The following HS3ST4 variants were observed in gnomAD, a reference collection of about 807,000 sequenced individuals.
HS3ST4 encodes heparan sulfate glucosamine 3-O-sulfotransferase 4.
In HS3ST4, 17 loss-of-function variants were observed where a neutral mutation model predicts 29.2. That is an observed-to-expected ratio of 0.58 (90% CI 0.40 to 0.87). The LOEUF (loss-of-function observed/expected upper bound fraction) is 0.87, where lower values mean the gene tolerates loss of function less well. HS3ST4 is among the 40% of genes least tolerant of loss of function. The probability of loss-of-function intolerance (pLI) is 0.00; values close to 1 mark genes in which losing one functional copy is unlikely to be tolerated. For missense variants in HS3ST4, 627 were observed against 634.5 expected (o/e 0.99, Z 0.13); for synonymous variants, 314 against 285.7 (o/e 1.10, Z -1.00).
At chr16:25,786,787 C>T (rs771307513) in intron 1 of HS3ST4, among the ~76,000 whole-genome samples, 9 of 152,070 alleles carry the variant, frequency 5.9e-5, no homozygotes, top group Non-Finnish European at 1.0e-4. Flanking sequence ...AGATCAAATG[C>T]TTGATTATAC....
chr16:25,828,242 C>CTTTTTCTA (rs1371928058), intron 1 of HS3ST4, among the ~76,000 whole-genome samples: 2,669 of 75,004 alleles, frequency 0.036, 250 homozygotes, highest in Non-Finnish European at 0.047. Context: ...TTCTTTCTTT[C>CTTTTTCTA]TCTTTCTTTC....
At chr16:25,930,706 G>T (rs557876549) in intron 1 of HS3ST4, among the ~76,000 whole-genome samples, 1 of 152,114 alleles carries the variant, frequency 6.6e-6, no homozygotes, top group African/African-American at 2.4e-5. Flanking sequence ...TCCTCAGCCT[G>T]GTCCTCCTTA....
At chr16:25,764,198 T>C (rs1486312177) in intron 1 of HS3ST4, among the ~76,000 whole-genome samples, 1 of 152,134 alleles carries the variant, frequency 6.6e-6, no homozygotes, top group Non-Finnish European at 1.5e-5. Context: ...AGGGAGGTGC[T>C]CACAGGCAGT....
At chr16:25,844,225 C>T (rs1323956712) in intron 1 of HS3ST4, among the ~76,000 whole-genome samples, 1 of 152,196 alleles carries the variant, frequency 6.6e-6, no homozygotes, top group Non-Finnish European at 1.5e-5. Flanking sequence ...GCCTTAGTAT[C>T]TGTCCTCTAA....
At chr16:25,937,247 A>G (rs1968526223) in intron 1 of HS3ST4, among the ~76,000 whole-genome samples, 1 of 152,194 alleles carries the variant, frequency 6.6e-6, no homozygotes, top group Non-Finnish European at 1.5e-5. Flanking sequence ...GAGGGTAAGA[A>G]TGGCACCAAT....
chr16:25,725,940 C>G (rs1966532059), intron 1 of HS3ST4, among the ~76,000 whole-genome samples: 1 of 152,102 alleles, frequency 6.6e-6, no homozygotes, highest in Non-Finnish European at 1.5e-5. Flanking sequence ...TTTTCTTTTA[C>G]TATGCCTTGC....
At chr16:25,994,528 A>G (rs577297799) in intron 1 of HS3ST4, among the ~76,000 whole-genome samples, 10 of 152,110 alleles carry the variant, frequency 6.6e-5, no homozygotes, top group Non-Finnish European at 1.3e-4. Flanking sequence ...AATTTTTGAT[A>G]TTGGTAAATG....
intron 1 of HS3ST4, among the ~76,000 whole-genome samples, chr16:26,029,262 A>G (rs1171026153): frequency 6.6e-6 from 1 of 152,182 alleles, no homozygotes; most frequent in Non-Finnish European, 1.5e-5. Flanking sequence ...TGGGGGCAGG[A>G]CTGGTTTCAT....
At chr16:25,904,707 G>A (rs558498980) in intron 1 of HS3ST4, among the ~76,000 whole-genome samples, 3 of 152,186 alleles carry the variant, frequency 2.0e-5, no homozygotes, top group South Asian at 4.1e-4. Context: ...ACCTAATTCT[G>A]ATTCTGTTTG....
intron 1 of HS3ST4, among the ~76,000 whole-genome samples, chr16:25,851,881 T>C (rs1044645118): frequency 2.1e-5 from 3 of 144,988 alleles, no homozygotes; most frequent in African/African-American, 7.7e-5. Flanking sequence ...CTTTCGAAGT[T>C]ATTAATGGAT....
intron 1 of HS3ST4, among the ~76,000 whole-genome samples, chr16:25,934,902 G>C (rs1241440240): frequency 6.6e-6 from 1 of 152,084 alleles, no homozygotes; most frequent in Non-Finnish European, 1.5e-5. Flanking sequence ...CATATGGTTT[G>C]GCTGTGTCCC....
intron 1 of HS3ST4, among the ~76,000 whole-genome samples, chr16:25,880,000 C>G (rs747717275): frequency 1.3e-5 from 2 of 152,148 alleles, no homozygotes; most frequent in Non-Finnish European, 2.9e-5. Flanking sequence ...ATTCAATTAT[C>G]TCCACCTGGC....
intron 1 of HS3ST4, among the ~76,000 whole-genome samples, chr16:25,996,281 G>A (rs1567290086): frequency 6.6e-6 from 1 of 152,138 alleles, no homozygotes; most frequent in Non-Finnish European, 1.5e-5. Flanking sequence ...CTCCACCAGA[G>A]GGCCAGGGTA....
chr16:25,816,908 C>T (rs9934531), intron 1 of HS3ST4, among the ~76,000 whole-genome samples: 33,534 of 151,888 alleles, frequency 0.22, 3,987 homozygotes, highest in Non-Finnish European at 0.25. Flanking sequence ...ATCCCACTCC[C>T]GAGATAACCC....
At chr16:25,788,544 C>CTT (rs565611368) in intron 1 of HS3ST4, among the ~76,000 whole-genome samples, 10,022 of 123,412 alleles carry the variant, frequency 0.081, 847 homozygotes, top group Non-Finnish European at 0.093. Flanking sequence ...TTTCTTCTTT[C>CTT]TTTTTTTTTT....
chr16:25,890,286 C>T (rs1349815881), intron 1 of HS3ST4, among the ~76,000 whole-genome samples: 2 of 152,188 alleles, frequency 1.3e-5, no homozygotes, highest in Non-Finnish European at 2.9e-5. Flanking sequence ...CTCTTAGCCA[C>T]CACTATGTAT....
chr16:25,878,211 T>G (rs908397000), intron 1 of HS3ST4, among the ~76,000 whole-genome samples: 1 of 152,180 alleles, frequency 6.6e-6, no homozygotes, highest in Non-Finnish European at 1.5e-5. Flanking sequence ...AATGAGATGA[T>G]GTATGCTACC....
At chr16:26,093,884 G>A (rs1177258882) in intron 1 of HS3ST4, among the ~76,000 whole-genome samples, 3 of 152,146 alleles carry the variant, frequency 2.0e-5, no homozygotes, top group African/African-American at 7.2e-5. Flanking sequence ...TAGATGAATG[G>A]CTAACTAGAA....
At chr16:26,062,817 C>A (rs185621408) in intron 1 of HS3ST4, 9 of 287,212 alleles carry the variant, frequency 3.1e-5, no homozygotes, top group Non-Finnish European at 5.5e-5. Context: ...CCTAGCACCA[C>A]TTTGGTGCCT....
Sources: allele counts gnomAD v4.1 joint callset (sites outside exome capture counted in the v4.1 genomes callset), GRCh38; gene constraint gnomAD v4.1.1; transcripts MANE v1.5; gene names NCBI Gene and HGNC (gene_info 2026-07-23, HGNC 2026-07-21).